The following STXBP6 variants were observed in gnomAD, a reference collection of about 807,000 sequenced individuals.
STXBP6 encodes the protein syntaxin-binding protein 6.
STXBP6 carries 21 observed loss-of-function variants against 26.9 expected under a neutral mutation model. The observed-to-expected ratio is 0.78, with a 90% confidence interval of 0.55 to 1.12. The LOEUF (loss-of-function observed/expected upper bound fraction) is 1.12. Ranked by LOEUF, STXBP6 falls within the 50% of genes most tolerant of loss-of-function variation. The pLI is 0.00. For synonymous variants in STXBP6, 97 were observed against 92.6 expected, an observed-to-expected ratio of 1.05 and a Z score of -0.27; for missense variants, 232 against 257.9, an observed-to-expected ratio of 0.90 and a Z score of 0.69.
chr14:24,980,205 C>G (rs1006326640), intron 1 of STXBP6, among the ~76,000 whole-genome samples: 1 of 152,094 alleles, frequency 6.6e-6, no homozygotes, highest in Non-Finnish European at 1.5e-5. Context: ...AATATACAAG[C>G]TTTTATGCAA....
chr14:24,897,791 A>G (rs2071050890), intron 2 of STXBP6, among the ~76,000 whole-genome samples: 1 of 152,200 alleles, frequency 6.6e-6, no homozygotes, highest in Non-Finnish European at 1.5e-5. Context: ...AATCAGTACC[A>G]TGGCTCCTTC....
intron 2 of STXBP6, among the ~76,000 whole-genome samples, chr14:24,890,399 C>T (rs1376798864): frequency 6.6e-6 from 1 of 152,134 alleles, no homozygotes; most frequent in Non-Finnish European, 1.5e-5. Context: ...ATCTGAATAA[C>T]AAAGTACCGA....
intron 2 of STXBP6, among the ~76,000 whole-genome samples, chr14:24,960,393 G>T (rs1056560049): frequency 6.6e-6 from 1 of 151,928 alleles, no homozygotes; most frequent in African/African-American, 2.4e-5. Flanking sequence ...ATTTATGACT[G>T]TTAACCCCCA....
chr14:24,831,825 T>C (rs2068462139), intron 4 of STXBP6, among the ~76,000 whole-genome samples: 1 of 152,076 alleles, frequency 6.6e-6, no homozygotes, highest in South Asian at 2.1e-4. Context: ...TAAAATAAAC[T>C]CACACCCCCA....
chr14:24,903,068 C>A (rs533089878), intron 2 of STXBP6, among the ~76,000 whole-genome samples: 6 of 152,322 alleles, frequency 3.9e-5, no homozygotes, highest in Admixed American at 1.3e-4. Flanking sequence ...TCACAACAAG[C>A]AACTTGTGAT....
chr14:24,832,180 C>T (rs879820649), intron 4 of STXBP6, among the ~76,000 whole-genome samples: 1 of 152,122 alleles, frequency 6.6e-6, no homozygotes, highest in Non-Finnish European at 1.5e-5. Context: ...TTTCAATATA[C>T]AATACTACCT....
At chr14:25,018,404 G>A (rs1566565815) in intron 1 of STXBP6, among the ~76,000 whole-genome samples, 1 of 152,102 alleles carries the variant, frequency 6.6e-6, no homozygotes, top group Non-Finnish European at 1.5e-5. Flanking sequence ...TACCAACCCA[G>A]AATTTACTAA....
chr14:25,042,803 C>T (rs1246303240), intron 1 of STXBP6, among the ~76,000 whole-genome samples: 1 of 152,214 alleles, frequency 6.6e-6, no homozygotes, highest in African/African-American at 2.4e-5. Flanking sequence ...GGCACTGTGG[C>T]ACCACACTGT....
chr14:24,969,821 A>G (rs2073848193), intron 2 of STXBP6, among the ~76,000 whole-genome samples: 1 of 152,228 alleles, frequency 6.6e-6, no homozygotes, highest in South Asian at 2.1e-4. Context: ...CAGAGTGTTC[A>G]AAAAGGCCAC....
intron 2 of STXBP6, among the ~76,000 whole-genome samples, chr14:24,971,193 C>A (rs569376896): frequency 2.4e-4 from 36 of 152,206 alleles, no homozygotes; most frequent in African/African-American, 6.3e-4. Context: ...TGATCACAGA[C>A]CTCTAACTCT....
chr14:25,001,446 T>C (rs1176490517), intron 1 of STXBP6, among the ~76,000 whole-genome samples: 1 of 152,198 alleles, frequency 6.6e-6, no homozygotes, highest in Non-Finnish European at 1.5e-5. Context: ...CTCTTTTGGG[T>C]CCCTAGATAG....
At chr14:24,927,624 G>A (rs769771191) in intron 2 of STXBP6, among the ~76,000 whole-genome samples, 1 of 152,094 alleles carries the variant, frequency 6.6e-6, no homozygotes, top group Non-Finnish European at 1.5e-5. Flanking sequence ...CACTTCTGAC[G>A]TTGTCTTTTT....
chr14:25,038,092 C>A (rs1366198804), intron 1 of STXBP6, among the ~76,000 whole-genome samples: 1 of 151,540 alleles, frequency 6.6e-6, no homozygotes, highest in Non-Finnish European at 1.5e-5. Flanking sequence ...CACTCACACA[C>A]ACAACTGAAA....
At chr14:24,912,062 C>A (rs2071594500) in intron 2 of STXBP6, among the ~76,000 whole-genome samples, 1 of 152,186 alleles carries the variant, frequency 6.6e-6, no homozygotes, top group South Asian at 2.1e-4. Flanking sequence ...GAGAAACTAA[C>A]ATAACCACCA....
chr14:24,880,026 G>A (rs1195154212), intron 2 of STXBP6, among the ~76,000 whole-genome samples: 1 of 152,108 alleles, frequency 6.6e-6, no homozygotes, highest in Admixed American at 6.5e-5. Context: ...CACTATGTTC[G>A]ACAGTCATGT....
chr14:24,992,387 C>G (rs2074496055), intron 1 of STXBP6, among the ~76,000 whole-genome samples: 1 of 151,966 alleles, frequency 6.6e-6, no homozygotes, highest in Non-Finnish European at 1.5e-5. Flanking sequence ...CTCTAAATAT[C>G]TCAAACAAAT....
intron 2 of STXBP6, among the ~76,000 whole-genome samples, chr14:24,898,814 G>C (rs2071097485): frequency 6.6e-6 from 1 of 152,138 alleles, no homozygotes; most frequent in African/African-American, 2.4e-5. Flanking sequence ...TTATATAAAG[G>C]CATTAAATTA....
chr14:24,955,967 C>T (rs2073330253), intron 2 of STXBP6, among the ~76,000 whole-genome samples: 1 of 152,206 alleles, frequency 6.6e-6, no homozygotes, highest in South Asian at 2.1e-4. Context: ...GATCACACAG[C>T]TGGTGTCGGT....
rs71121808 is a variant in STXBP6 at position 24,976,852 on chromosome 14, C to CTTTTTTTTTTTTTTTTTTTTTT, written c.-32-2024_-32-2003dup. On this transcript the variant is annotated intron_variant, in intron 1 of 5. Transcript: ENST00000323944. Reference sequence around the variant, plus strand: ...CAAAGTCCTGAGCTGACTGGGCGCTCTTTTTTTTTTTTTTTTTTTTTTTTT... The same window carrying CTTTTTTTTTTTTTTTTTTTTTT: ...CAAAGTCCTGAGCTGACTGGGCGCTCTTTTTTTTTTTTTTTTTTTTTTTTTTTTTTTTTTTTTTTTTTTTTTT... Among the ~76,000 whole-genome samples the CTTTTTTTTTTTTTTTTTTTTTT allele has an allele frequency of 3.1e-4, 14 of 45,276 alleles. 2 individuals are homozygous for CTTTTTTTTTTTTTTTTTTTTTT. Among genetic ancestry groups the CTTTTTTTTTTTTTTTTTTTTTT allele is most frequent in the African/African-American group, 4.5e-4 (4 of 8,900 alleles). The allele number at this position is 45,276 out of a possible 152,430, so 29.7% of individuals were successfully genotyped here.
Sources: gnomAD v4.1 joint callset for allele counts (sites outside exome capture counted in the v4.1 genomes callset) on GRCh38, gnomAD v4.1.1 for gene constraint, MANE v1.5 for transcripts, NCBI Gene and HGNC (gene_info 2026-07-23, HGNC 2026-07-21) for gene names.